The following CEP104 variants were observed in gnomAD, a reference collection of about 807,000 sequenced individuals.
CEP104 encodes the protein centrosomal protein 104.
In CEP104, 84 loss-of-function variants were observed where a neutral mutation model predicts 113.3. The observed-to-expected ratio is 0.74, with a 90% CI of 0.62 to 0.89. The LOEUF is 0.89. Ranked by LOEUF, CEP104 falls within the 40% of genes least tolerant of loss-of-function variation. CEP104 has a pLI of 0.00. For synonymous variants in CEP104, 378 were observed against 421.7 expected (o/e 0.90, Z 1.27); for missense variants, 1,053 against 1,156.6 (o/e 0.91, Z 1.30).
intron 13 of CEP104, 149 bp from the exon 14 acceptor site, chr1:3,830,146 CG>C: frequency 1.6e-6 from 1 of 622,136 alleles, no homozygotes; most frequent in Non-Finnish European, 2.8e-6. Flanking sequence ...TAAAACCTCA[CG>C]GATCTACCGT....
Position 3,812,855 on chromosome 1 carries a change from C to G in CEP104, c.*2547G>C, listed in dbSNP as rs903130121. 3 of 151,840 alleles carry G rather than the reference C, an allele frequency of 2.0e-5. No homozygotes were observed. The highest frequency in any genetic ancestry group is 4.8e-5 in the African/African-American group (2 of 41,320). The allele number at this position is 151,840 out of a possible 1,614,324, so 9.4% of individuals were successfully genotyped here. On this transcript the variant is annotated 3_prime_UTR_variant, in exon 22 of 22. Transcript: ENST00000378230. ...ACTCCGTCTCAAACCCCACCACCCC[C>G]GCAAAACAAAAACAAAAACAAAAAA...
intron 17 of CEP104, 30 bp downstream of exon 17, chr1:3,826,340 G>C (rs756611880): frequency 6.2e-7 from 1 of 1,603,446 alleles, no homozygotes; most frequent in Admixed American, 1.7e-5. Context: ...CCTGACCATC[G>C]TACAATGGGT....
At chr1:3,837,189 G>A (rs1644330384) in intron 9 of CEP104, 103 bp downstream of exon 9, 1 of 916,442 alleles carries the variant, frequency 1.1e-6, no homozygotes, top group East Asian at 2.6e-5. Context: ...TCTGGCTGGG[G>A]AGCACTCATG....
At chr1:3,818,750 TA>T (rs752739598) in intron 20 of CEP104, among the ~76,000 whole-genome samples, 18 of 152,250 alleles carry the variant, frequency 1.2e-4, no homozygotes, top group Non-Finnish European at 2.6e-4. Context: ...AGTTTTATTA[TA>T]AAATGAGTGT....
intron 11 of CEP104, 39 bp downstream of exon 11, chr1:3,834,886 C>T (rs367846237): frequency 2.6e-6 from 4 of 1,540,102 alleles, no homozygotes; most frequent in Admixed American, 3.9e-5. Context: ...ATGATCTCAT[C>T]CATGCACGCT....
chr1:3,839,125 G>A lies in CEP104; in HGVS notation c.736-6C>T, dbSNP rs778851467. On this transcript the variant is annotated splice_region_variant and splice_polypyrimidine_tract_variant and intron_variant, in intron 7 of 21. Transcript: ENST00000378230. ...CTCCCAAGGCGTTCACCAACCTGAA[G>A]CACAAAATATTTGCTTTTTCTTTCA... 1.2e-6 allele frequency: 2 copies of A among 1,613,208 alleles called. No homozygotes were observed. Among genetic ancestry groups the A allele is most frequent in the East Asian group, 4.5e-5 (2 of 44,872 alleles).
chr1:3,839,329 G>T (rs753024663), intron 7 of CEP104, among the ~76,000 whole-genome samples: 3 of 152,144 alleles, frequency 2.0e-5, no homozygotes, highest in African/African-American at 4.8e-5. Flanking sequence ...TGACTTTCAG[G>T]ATAGCTGGTT....
rs1442571106 is a variant in CEP104 at position 3,819,387 on chromosome 1, C to A, written c.2572-3017G>T. ...GTGATGGAAAAGTTCCACACGTGTG[C>A]AGATGGTTGCAGAACCCTGAATACA... On this transcript the variant is annotated intron_variant, in intron 20 of 21. Transcript: ENST00000378230. This position sits in a 1 kb window ranked among gnomAD's most constrained non-coding sequence, Gnocchi z 4.6. 6.6e-6 allele frequency among the ~76,000 whole-genome samples: 1 copy of A among 152,118 alleles called. No individual in the cohort carries two copies.
Position 3,816,356 on chromosome 1 carries a change from G to A in CEP104, c.2586C>T (p.His862=). 3 of 1,552,232 alleles carry A rather than the reference G, an allele frequency of 1.9e-6. No individual in the cohort carries two copies. Among genetic ancestry groups the A allele is most frequent in the Non-Finnish European group, 2.6e-6 (3 of 1,147,524 alleles). Residue 862 remains histidine, a synonymous_variant, in exon 21 of 22, where the codon CAC becomes CAT. Transcript: ENST00000378230. ...TCGTGCAGCCGGCTGGGCCCATCAG[G>A]TGAGCTTTCCATGCCTGCAGCAGAG... The part of the protein sequence containing the change: ...FSPGEEAWKA[H]LMGPAGCTMN...
rs758912086 is a variant in CEP104 at position 3,837,334 on chromosome 1, T to C, written c.1077A>G (p.Val359=). The C allele has an allele frequency of 1.9e-6, 3 of 1,613,950 alleles. No individual in the cohort carries two copies. The highest frequency in any genetic ancestry group is 2.7e-5 in the African/African-American group (2 of 74,938). The part of the protein sequence containing the change: ...SLTISPQHSA[V]DPLLPATDPH... ...GATCTGTGGCAGGGAGTAACGGGTC[T>C]ACTGCAGAATGCTGAGGAGAAATAG... The change falls in exon 9 of 22, where the codon GTA becomes GTG. Residue 359 remains valine, a synonymous_variant. Transcript: ENST00000378230.
intron 1 of CEP104, among the ~76,000 whole-genome samples, chr1:3,853,328 T>C (rs1644652096): frequency 6.6e-6 from 1 of 152,092 alleles, no homozygotes; most frequent in African/African-American, 2.4e-5. Flanking sequence ...TCAGGGACTC[T>C]GGGTTACTTT....
chr1:3,834,122 C>T lies in CEP104; in HGVS notation c.1486-87G>A, dbSNP rs58355219. On this transcript the variant is annotated intron_variant, in intron 11 of 21. Coordinates refer to ENST00000378230, the MANE Select transcript of CEP104 (RefSeq NM_014704.4). ...TGGCATTTACTATCAGTAACACATA[C>T]GAACATTATATCGAAAATGACATCT... 9,150 of 1,077,342 alleles carry T rather than the reference C, an allele frequency of 8.5e-3. 548 individuals are homozygous for T. The African/African-American group carries it at 0.12, about 15-fold the overall frequency. 66.7% of individuals were successfully genotyped at this position (1,077,342 alleles called of 1,614,324 possible). A position where few individuals can be genotyped will look rare whatever the true frequency, so the allele number is the denominator to read the frequency against.
At chr1:3,832,218 T>C (rs1350401327) in intron 12 of CEP104, among the ~76,000 whole-genome samples, 1 of 151,948 alleles carries the variant, frequency 6.6e-6, no homozygotes, top group South Asian at 2.1e-4. Context: ...TAACCAGGAG[T>C]GTATTGTAGC....
intron 2 of CEP104, among the ~76,000 whole-genome samples, chr1:3,851,123 C>T (rs1644603182): frequency 6.6e-6 from 1 of 152,084 alleles, no homozygotes; most frequent in Non-Finnish European, 1.5e-5. Context: ...ATGGGCAGTG[C>T]ATCGGCCACG....
At chr1:3,846,912 A>C (rs948513307) in intron 4 of CEP104, among the ~76,000 whole-genome samples, 1 of 152,220 alleles carries the variant, frequency 6.6e-6, no homozygotes, top group African/African-American at 2.4e-5. Flanking sequence ...GGGAGGAAGG[A>C]AGAGATGAAG....
At chr1:3,852,466 A>T in intron 1 of CEP104, 45 bp from the exon 2 acceptor site, 6 of 1,563,878 alleles carry the variant, frequency 3.8e-6, no homozygotes, top group Non-Finnish European at 5.2e-6. Context: ...AAAGGAATTC[A>T]CTAACACATG....
chr1:3,831,608 T>G (rs1644210024), intron 12 of CEP104, among the ~76,000 whole-genome samples: 1 of 152,230 alleles, frequency 6.6e-6, no homozygotes, highest in Non-Finnish European at 1.5e-5. Context: ...ATTTTAGTAT[T>G]TATTAAATGT....
At chr1:3,850,720 G>A (rs780645677) in intron 2 of CEP104, among the ~76,000 whole-genome samples, 2 of 152,152 alleles carry the variant, frequency 1.3e-5, no homozygotes, top group Non-Finnish European at 2.9e-5. Context: ...AAGAGACCCC[G>A]AGCCAAACCC....
At chr1:3,830,989 C>G (rs1032150557) in intron 13 of CEP104, 57 bp downstream of exon 13, 20 of 1,508,190 alleles carry the variant, frequency 1.3e-5, no homozygotes, top group Non-Finnish European at 1.4e-5. Context: ...TCGCCACGCT[C>G]CAGGCACTGT....
Sources: allele counts gnomAD v4.1 joint callset (sites outside exome capture counted in the v4.1 genomes callset), GRCh38; gene constraint gnomAD v4.1.1; non-coding constraint Gnocchi (gnomAD v3.1); transcripts MANE v1.5; gene names NCBI Gene and HGNC (gene_info 2026-07-23, HGNC 2026-07-21).